Variants in WNK1 observed in about 807,000 individuals in gnomAD.
WNK1 encodes serine/threonine-protein kinase WNK1.
A neutral mutation model predicts 222.8 loss-of-function variants in WNK1; 38 were observed. The observed-to-expected ratio is 0.17, with a 90% CI of 0.13 to 0.22. WNK1 has a LOEUF of 0.22. Among genes scored for constraint, WNK1 ranks in the 10% least tolerant of loss-of-function variants. The pLI, the probability that WNK1 is intolerant of heterozygous loss-of-function variation, is 1.00. For missense variants in WNK1, 2,348 were observed against 2,918.4 expected, an observed-to-expected ratio of 0.80 and a Z score of 4.50; for synonymous variants, 1,090 against 1,092.9, an observed-to-expected ratio of 1.00 and a Z score of 0.05.
In WNK1 at chr12:800,015, G is replaced by A. The variant is rs944239200; in HGVS notation, c.760-13627G>A. The stretch of plus-strand genomic sequence containing the variant: ...GAAAGTTAATTAGGCACAGTGGTGC[G>A]CACCCATAGTCCCAGCTACTTGGGA... On this transcript the variant is annotated intron_variant, in intron 1 of 27. Coordinates refer to ENST00000315939, the MANE Select transcript of WNK1 (RefSeq NM_018979.4). Among the ~76,000 whole-genome samples, 18 of 152,052 alleles carry A rather than the reference G, an allele frequency of 1.2e-4. No homozygotes were observed. The East Asian group carries it at 2.1e-3, about 18-fold the overall frequency.
chr12:837,933 A>C (rs371231020), intron 4 of WNK1, among the ~76,000 whole-genome samples: 1 of 152,128 alleles, frequency 6.6e-6, no homozygotes, highest in Non-Finnish European at 1.5e-5. Flanking sequence ...AGGTTTTTCT[A>C]TTCTGGACAT....
intron 8 of WNK1, chr12:868,794 A>G (rs1592100584): frequency 1.9e-6 from 3 of 1,614,068 alleles, no homozygotes; most frequent in Non-Finnish European, 2.5e-6. Context: ...GAAGAAAAGC[A>G]TAATTACCAT....
chr12:842,085 T>A (rs1441861484), intron 4 of WNK1, among the ~76,000 whole-genome samples: 3 of 152,220 alleles, frequency 2.0e-5, no homozygotes, highest in Admixed American at 1.3e-4. Flanking sequence ...TAGGCACTCA[T>A]TAATATTTTG....
chr12:792,843 A>G (rs1273124916), intron 1 of WNK1, among the ~76,000 whole-genome samples: 3 of 152,018 alleles, frequency 2.0e-5, no homozygotes, highest in Non-Finnish European at 4.4e-5. Context: ...ATATAAACAT[A>G]TTATTCTATG....
chr12:884,538 A>AT lies in WNK1; in HGVS notation c.3845-105dup, dbSNP rs1261816907. On this transcript the variant is annotated intron_variant, in intron 18 of 27. Transcript: ENST00000315939. The surrounding 1 kb of genome is among the most constrained non-coding windows in gnomAD (Gnocchi z 5.6). ...TGTCTATGTTTTAAGATTACTCCATATTTTTTATCAAAAACAGATATTTAT... is the reference window on the plus strand; with the variant it reads ...TGTCTATGTTTTAAGATTACTCCATATTTTTTTATCAAAAACAGATATTTAT... The AT allele has an allele frequency of 8.6e-7, 1 of 1,161,196 alleles. No individual in the cohort carries two copies. Among genetic ancestry groups the AT allele is most frequent in the Admixed American group, 2.0e-5 (1 of 50,336 alleles). The allele number at this position is 1,161,196 out of a possible 1,614,324, so 71.9% of individuals were successfully genotyped here.
chr12:887,176 A>C (rs769732760), intron 19 of WNK1, 45 bp from the exon 20 acceptor site: 1 of 1,558,614 alleles, frequency 6.4e-7, no homozygotes, highest in East Asian at 2.2e-5. Flanking sequence ...CGCAGTCTTT[A>C]TATTTAGCGT....
Position 908,019 on chromosome 12 carries a change from G to T in WNK1, c.6816G>T (p.Gly2272=), listed in dbSNP as rs148933574. 6 of 1,614,036 alleles carry T rather than the reference G, an allele frequency of 3.7e-6. No homozygotes were observed. The African/African-American group carries it at 8.0e-5, about 22-fold the overall frequency. ...TCTCAGGCAGGAGAGGAAGCAAAGG[G>T]CACATGAATTACGAGGTAAGTCTCT... is the stretch of plus-strand genomic sequence containing the variant. ...MNLSGRRGSK[G]HMNYEGPGMA... The change falls in exon 27 of 28, where the codon GGG becomes GGT. Residue 2272 remains glycine, a synonymous_variant. Coordinates refer to ENST00000315939, the MANE Select transcript of WNK1 (RefSeq NM_018979.4).
Position 813,539 on chromosome 12 carries a change from C to T in WNK1, c.760-103C>T, listed in dbSNP as rs1565466775. 4 of 1,249,462 alleles carry T rather than the reference C, an allele frequency of 3.2e-6. No individual in the cohort carries two copies. The Admixed American group carries it at 8.8e-5, about 27-fold the overall frequency. The allele number at this position is 1,249,462 out of a possible 1,614,324, so 77.4% of individuals were successfully genotyped here. Reference sequence around the variant, plus strand: ...AACTTCAGCATTTGCATTTTTTAAACACCATCGATCATGATTTAGTAATGT... The same window carrying T: ...AACTTCAGCATTTGCATTTTTTAAATACCATCGATCATGATTTAGTAATGT... On this transcript the variant is annotated intron_variant, in intron 1 of 27. Coordinates refer to ENST00000315939, the MANE Select transcript of WNK1 (RefSeq NM_018979.4).
At chr12:788,488 G>T (rs1944529690) in intron 1 of WNK1, among the ~76,000 whole-genome samples, 1 of 152,182 alleles carries the variant, frequency 6.6e-6, no homozygotes, top group African/African-American at 2.4e-5. Flanking sequence ...AGTGAGAAAG[G>T]CCTGTAATGC....
rs1955850558 is a variant in WNK1, at chr12:908,054, C to G, written c.6831+20C>G. ...TACGAGGTAAGTCTCTCTTTTGCCGCAGAGAATCCGTAACACACATCTGAG... is the reference window on the plus strand; with the variant it reads ...TACGAGGTAAGTCTCTCTTTTGCCGGAGAGAATCCGTAACACACATCTGAG... On this transcript the variant is annotated intron_variant, in intron 27 of 27. Transcript: ENST00000315939. The G allele has an allele frequency of 6.2e-7, 1 of 1,613,442 alleles. No homozygotes were observed. The highest frequency in any genetic ancestry group is 1.7e-5 in the Admixed American group (1 of 59,986).
chr12:861,851 G>A (rs1951242824), intron 7 of WNK1, among the ~76,000 whole-genome samples: 1 of 152,110 alleles, frequency 6.6e-6, no homozygotes, highest in African/African-American at 2.4e-5. Flanking sequence ...GTTTCATGCT[G>A]TTTCCCTTAC....
chr12:753,636 C>T lies in WNK1; in HGVS notation c.71C>T (p.Ala24Val), dbSNP rs1260513039. The change falls in exon 1 of 28, where the codon GCC becomes GTC. Residue 24 changes from alanine (A) to valine (V), a missense_variant. Physicochemically the swap from Ala to Val is moderately conservative, Grantham distance 64. Transcript: ENST00000315939. This position sits in a 1 kb window ranked among gnomAD's most constrained non-coding sequence, Gnocchi z 5.2. The part of the protein sequence containing the change: ...GSLFLSPPAP[A>V]PKNGSSSDSS... ...CTGTTCCTCTCGCCGCCGGCTCCTG[C>T]CCCCAAGAATGGCTCCAGCTCCGAT... 3 of 1,612,744 alleles carry T rather than the reference C, an allele frequency of 1.9e-6. No individual in the cohort carries two copies. Among genetic ancestry groups the T allele is most frequent in the Admixed American group, 1.7e-5 (1 of 60,018 alleles).
chr12:873,013 A>C (rs893226974), intron 9 of WNK1, among the ~76,000 whole-genome samples: 1 of 152,210 alleles, frequency 6.6e-6, no homozygotes, highest in South Asian at 2.1e-4. Flanking sequence ...TCAAGTAAAC[A>C]TATTTTTGCC....
chr12:754,622 G>A (rs1399448101), intron 1 of WNK1, among the ~76,000 whole-genome samples: 1 of 152,226 alleles, frequency 6.6e-6, no homozygotes, highest in Admixed American at 6.5e-5. Flanking sequence ...CTTGGAATGA[G>A]TGGGGAAGTT....
chr12:896,913 C>T (rs1408325446), intron 24 of WNK1, among the ~76,000 whole-genome samples, 181 bp downstream of exon 24: 1 of 48,840 alleles, frequency 2.0e-5, no homozygotes, highest in Non-Finnish European at 4.8e-5. Flanking sequence ...CACACACACA[C>T]ACACACACAC....
intron 1 of WNK1, among the ~76,000 whole-genome samples, chr12:800,557 T>A (rs904610994): frequency 3.9e-4 from 59 of 152,160 alleles, no homozygotes; most frequent in African/African-American, 1.3e-3. Context: ...TTTCCCCTTT[T>A]TGATGGGAAG....
intron 1 of WNK1, among the ~76,000 whole-genome samples, chr12:784,337 GCCA>G (rs1160528860): frequency 6.6e-6 from 1 of 151,964 alleles, no homozygotes; most frequent in African/African-American, 2.4e-5. Context: ...ATTTCTGAAT[GCCA>G]AGTACCTCTT....
In WNK1 at chr12:884,298, G is replaced by A. The variant is rs1403034826; in HGVS notation, c.3844+55G>A. The stretch of plus-strand genomic sequence containing the variant: ...GTAAATTCTACAGTGCCTCTGCTAT[G>A]TTGAAAGCTTAATCATAAAGCAGTA... On this transcript the variant is annotated intron_variant, in intron 18 of 27. Transcript: ENST00000315939. This position sits in a 1 kb window ranked among gnomAD's most constrained non-coding sequence, Gnocchi z 5.6. 2 of 1,611,218 alleles carry A rather than the reference G, an allele frequency of 1.2e-6. No individual in the cohort carries two copies. The highest frequency in any genetic ancestry group is 4.5e-5 in the East Asian group (2 of 44,800).
At chr12:769,874 G>A (rs369770757) in intron 1 of WNK1, among the ~76,000 whole-genome samples, 7 of 152,298 alleles carry the variant, frequency 4.6e-5, no homozygotes, top group South Asian at 2.1e-4. Flanking sequence ...TTCAGGGCAA[G>A]AGAGTGTGAA....
Sources: gnomAD v4.1 joint callset for allele counts (sites outside exome capture counted in the v4.1 genomes callset) on GRCh38, gnomAD v4.1.1 for gene constraint, Gnocchi (gnomAD v3.1) non-coding constraint, MANE v1.5 for transcripts, NCBI Gene and HGNC (gene_info 2026-07-23, HGNC 2026-07-21) for gene names.